CD1B: variants seen among roughly 807,000 people sequenced by gnomAD.
CD1B encodes T-cell surface glycoprotein CD1b.
In CD1B, 43 loss-of-function variants were observed where a neutral mutation model predicts 39.8. The ratio of observed to expected loss-of-function variants is 1.08; its 90% CI spans 0.85 to 1.39. CD1B has a LOEUF of 1.39. Among genes scored for constraint, CD1B ranks in the 40% most tolerant of loss-of-function variants. CD1B has a pLI of 0.00. For missense variants in CD1B, 495 were observed against 403.8 expected, an observed-to-expected ratio of 1.23 and a Z score of -1.94; for synonymous variants, 192 against 152.5, an observed-to-expected ratio of 1.26 and a Z score of -1.91.
chr1:158,320,148 G>C, the CD1B span, among the ~76,000 whole-genome samples: 1 of 151,540 alleles, frequency 6.6e-6, no homozygotes, highest in Non-Finnish European at 1.5e-5. Flanking sequence ...GGAGCCTACA[G>C]AGGCAGGCAG....
At chr1:158,292,827 G>T in the CD1B span, 1 of 1,614,034 alleles carries the variant, frequency 6.2e-7, no homozygotes, top group African/African-American at 1.3e-5. Context: ...CTGTCTTGTC[G>T]AGTGAGACAC....
intron 2 of CD1B, chr1:158,330,487 T>G (rs1052109060): frequency 3.5e-6 from 2 of 571,622 alleles, no homozygotes; most frequent in Non-Finnish European, 6.3e-6. Context: ...AAGCCACACG[T>G]TAGATCACTC....
At chr1:158,292,078 C>T in the CD1B span, 1 of 1,610,586 alleles carries the variant, frequency 6.2e-7, no homozygotes, top group Non-Finnish European at 8.5e-7. Flanking sequence ...TCCTCCCTTC[C>T]TCCAGATCCC....
chr1:158,286,410 T>A, the CD1B span, among the ~76,000 whole-genome samples: 51 of 152,334 alleles, frequency 3.3e-4, no homozygotes, highest in African/African-American at 1.2e-3. Flanking sequence ...CCCTTCCTTT[T>A]TAGGGATAGA....
At chr1:158,291,360 T>G in the CD1B span, 4 of 1,614,122 alleles carry the variant, frequency 2.5e-6, no homozygotes, top group Non-Finnish European at 3.4e-6. Flanking sequence ...TTGGATTAAC[T>G]CGGGAGATTC....
the CD1B span, chr1:158,292,944 A>C: frequency 1.4e-6 from 2 of 1,480,584 alleles, no homozygotes; most frequent in Non-Finnish European, 1.9e-6. Flanking sequence ...GGAAATTTTG[A>C]GGATAGCAGA....
chr1:158,293,140 G>A, the CD1B span: 2 of 1,219,204 alleles, frequency 1.6e-6, no homozygotes, highest in Non-Finnish European at 2.4e-6. Flanking sequence ...TGTTAAGTAA[G>A]GAAATCAATA....
chr1:158,311,977 G>T, the CD1B span, among the ~76,000 whole-genome samples: 7 of 151,914 alleles, frequency 4.6e-5, no homozygotes, highest in Non-Finnish European at 1.0e-4. Flanking sequence ...TTGGCTTTTG[G>T]GGTCTTTGAT....
chr1:158,291,543 G>A, the CD1B span: 1 of 834,512 alleles, frequency 1.2e-6, no homozygotes, highest in South Asian at 1.8e-5. Flanking sequence ...GGATATTCCT[G>A]ATGTTGACTC....
At chr1:158,323,042 T>C (rs575261200), downstream of CD1B, among the ~76,000 whole-genome samples, 91 of 152,280 alleles carry the variant, frequency 6.0e-4, no homozygotes, top group Non-Finnish European at 1.2e-3. Flanking sequence ...TTTTCCAGGA[T>C]TGTAAAATTT....
the CD1B span, among the ~76,000 whole-genome samples, chr1:158,318,989 G>A: frequency 1.3e-5 from 2 of 151,808 alleles, no homozygotes; most frequent in Admixed American, 6.6e-5. Context: ...TTGAATATTG[G>A]CCCCCACTCT....
chr1:158,302,258 A>G, the CD1B span, among the ~76,000 whole-genome samples: 2 of 152,206 alleles, frequency 1.3e-5, no homozygotes, highest in Non-Finnish European at 2.9e-5. Flanking sequence ...CAAAGATACT[A>G]CATGCCAGAG....
At chr1:158,293,290 T>A in the CD1B span, 1 of 1,613,750 alleles carries the variant, frequency 6.2e-7, no homozygotes, top group Non-Finnish European at 8.5e-7. Flanking sequence ...GTGTTATGGT[T>A]TAAGAAGCAC....
chr1:158,286,820 A>G, the CD1B span, among the ~76,000 whole-genome samples: 322 of 152,170 alleles, frequency 2.1e-3, 2 homozygotes, highest in African/African-American at 7.6e-3. Flanking sequence ...CTGAGGGGGA[A>G]TTTCCCATAA....
the CD1B span, among the ~76,000 whole-genome samples, chr1:158,287,845 C>T: frequency 6.6e-6 from 1 of 152,184 alleles, no homozygotes; most frequent in Non-Finnish European, 1.5e-5. Flanking sequence ...TCAGGCTGCT[C>T]TTCTCCATCT....
At chr1:158,310,883 GCCAC>G in the CD1B span, among the ~76,000 whole-genome samples, 1 of 152,086 alleles carries the variant, frequency 6.6e-6, no homozygotes, top group African/African-American at 2.4e-5. Context: ...AATTAGTTCA[GCCAC>G]TGTGAAGGGC....
chr1:158,317,049 A>T, the CD1B span, among the ~76,000 whole-genome samples: 1 of 151,630 alleles, frequency 6.6e-6, no homozygotes, highest in Non-Finnish European at 1.5e-5. Flanking sequence ...GTGCTGCTGG[A>T]TTTGGTTTGG....
chr1:158,311,772 G>C, the CD1B span, among the ~76,000 whole-genome samples: 1 of 152,022 alleles, frequency 6.6e-6, no homozygotes, highest in Non-Finnish European at 1.5e-5. Flanking sequence ...CCCAATGTGT[G>C]TCTTGGCACT....
chr1:158,314,069 G>C, the CD1B span, among the ~76,000 whole-genome samples: 1 of 151,702 alleles, frequency 6.6e-6, no homozygotes, highest in South Asian at 2.1e-4. Flanking sequence ...AATTTGTCTA[G>C]TTAAAAGTTT....
Sources: gnomAD v4.1 joint callset for allele counts (sites outside exome capture counted in the v4.1 genomes callset) on GRCh38, gnomAD v4.1.1 for gene constraint, MANE v1.5 for transcripts, NCBI Gene and HGNC (gene_info 2026-07-23, HGNC 2026-07-21) for gene names.